Variants in SORCS1 observed in about 807,000 individuals in gnomAD.
SORCS1 encodes the protein sortilin related VPS10 domain containing receptor 1.
Under a neutral mutation model 146.1 loss-of-function variants are expected in SORCS1, and 60 were observed. The observed-to-expected ratio is 0.41, with a 90% CI of 0.33 to 0.51. The LOEUF (loss-of-function observed/expected upper bound fraction) is 0.51. Among genes scored for constraint, SORCS1 ranks in the 20% least tolerant of loss-of-function variants. The pLI is 0.21. For missense variants in SORCS1, 1,352 were observed against 1,487.6 expected, an observed-to-expected ratio of 0.91 and a Z score of 1.50; for synonymous variants, 637 against 584.0, an observed-to-expected ratio of 1.09 and a Z score of -1.31.
At chr10:106,796,224 A>C (rs1193645764) in intron 3 of SORCS1, among the ~76,000 whole-genome samples, 1 of 152,194 alleles carries the variant, frequency 6.6e-6, no homozygotes. Flanking sequence ...AAAGTGAAGA[A>C]TTTCTACATT....
At position 107,070,377 on chromosome 10, in the gene SORCS1, T is replaced by C. The variant is rs181779445; in HGVS notation, c.558+93592A>G. ...CCATGCTTAACTTTTTGAGTGACTA[T>C]CAAAGTGGTTTTCACAGTAGCTGCA... On this transcript the variant is annotated intron_variant, in intron 1 of 25. Transcript: ENST00000263054. Among the ~76,000 whole-genome samples, 3 of 152,310 alleles carry C rather than the reference T, an allele frequency of 2.0e-5. No homozygotes were observed. The East Asian group carries it at 5.8e-4, about 29-fold the overall frequency.
intron 3 of SORCS1, among the ~76,000 whole-genome samples, chr10:106,801,822 G>A (rs931311312): frequency 2.6e-5 from 4 of 152,132 alleles, no homozygotes; most frequent in African/African-American, 9.7e-5. Flanking sequence ...GAGCCACCGT[G>A]CCCAGCTAGT....
intron 1 of SORCS1, among the ~76,000 whole-genome samples, chr10:107,146,463 C>T (rs1968333722): frequency 6.6e-6 from 1 of 152,146 alleles, no homozygotes; most frequent in South Asian, 2.1e-4. Flanking sequence ...ATCATAACGT[C>T]TCAAAGACTA....
At chr10:107,121,673 T>C (rs941625824) in intron 1 of SORCS1, among the ~76,000 whole-genome samples, 1 of 151,882 alleles carries the variant, frequency 6.6e-6, no homozygotes, top group Non-Finnish European at 1.5e-5. Flanking sequence ...CCAGGGAATA[T>C]CATTTAGAGA....
intron 3 of SORCS1, among the ~76,000 whole-genome samples, chr10:106,788,217 A>T (rs1241872666): frequency 6.6e-6 from 1 of 152,164 alleles, no homozygotes; most frequent in East Asian, 1.9e-4. Context: ...TCTCTCCTTC[A>T]ACACCCAGGA....
intron 1 of SORCS1, among the ~76,000 whole-genome samples, chr10:107,110,548 C>A (rs903353666): frequency 4.6e-5 from 7 of 151,984 alleles, no homozygotes; most frequent in African/African-American, 1.7e-4. Flanking sequence ...CTCATGAGAA[C>A]TCACTCATTA....
chr10:106,792,129 A>G (rs1208645086), intron 3 of SORCS1, among the ~76,000 whole-genome samples: 1 of 152,232 alleles, frequency 6.6e-6, no homozygotes, highest in Non-Finnish European at 1.5e-5. Flanking sequence ...GAAAAAGACA[A>G]CACAGTAGCA....
intron 2 of SORCS1, among the ~76,000 whole-genome samples, chr10:106,939,217 G>A (rs530821673): frequency 1.3e-5 from 2 of 152,352 alleles, no homozygotes; most frequent in Admixed American, 6.5e-5. Flanking sequence ...CCCCAGCAAA[G>A]AGAATGTATT....
intron 1 of SORCS1, among the ~76,000 whole-genome samples, chr10:107,072,816 C>T (rs996005622): frequency 6.6e-6 from 1 of 151,206 alleles, no homozygotes; most frequent in African/African-American, 2.4e-5. Flanking sequence ...AAACTAAACG[C>T]ATATCTGACC....
intron 1 of SORCS1, among the ~76,000 whole-genome samples, chr10:107,020,549 AT>A (rs1323282223): frequency 5.3e-5 from 8 of 152,362 alleles, no homozygotes; most frequent in African/African-American, 1.7e-4. Flanking sequence ...AACATAATCT[AT>A]TAACAGTGAT....
chr10:106,758,289 T>C (rs1445146416), intron 5 of SORCS1, among the ~76,000 whole-genome samples: 6 of 152,200 alleles, frequency 3.9e-5, no homozygotes, highest in East Asian at 1.9e-4. Flanking sequence ...TCTGGTGACA[T>C]AGAAAACACT....
At chr10:106,700,040 A>G (rs2135747863) in intron 8 of SORCS1, among the ~76,000 whole-genome samples, 1 of 152,314 alleles carries the variant, frequency 6.6e-6, no homozygotes, top group East Asian at 1.9e-4. Flanking sequence ...CCAAAGTACT[A>G]ACCCTCATGT....
chr10:106,685,069 C>T (rs934352302), intron 10 of SORCS1, among the ~76,000 whole-genome samples: 4 of 152,240 alleles, frequency 2.6e-5, no homozygotes, highest in Non-Finnish European at 4.4e-5. Flanking sequence ...CCCAATAATC[C>T]CTCTTTCTTC....
chr10:106,783,966 C>T (rs1340261691), intron 3 of SORCS1, among the ~76,000 whole-genome samples: 1 of 152,050 alleles, frequency 6.6e-6, no homozygotes, highest in Non-Finnish European at 1.5e-5. Flanking sequence ...ATAAGTGCAT[C>T]CCATGCTTAA....
intron 2 of SORCS1, among the ~76,000 whole-genome samples, chr10:106,912,256 T>G (rs1952203243): frequency 6.6e-6 from 1 of 152,208 alleles, no homozygotes; most frequent in African/African-American, 2.4e-5. Flanking sequence ...ATCCAATTAT[T>G]GTGCTTAGTT....
At chr10:106,597,568 T>C in intron 23 of SORCS1, 118 bp from the exon 24 acceptor site, 2 of 708,180 alleles carry the variant, frequency 2.8e-6, no homozygotes, top group Non-Finnish European at 4.8e-6. Flanking sequence ...GTGAGTTATA[T>C]AAATAAGGTT....
chr10:107,093,406 G>A (rs1248239055), intron 1 of SORCS1, among the ~76,000 whole-genome samples: 9 of 152,162 alleles, frequency 5.9e-5, no homozygotes. Flanking sequence ...CAGGCGTGGT[G>A]GCTCACGCCT....
chr10:107,021,498 A>AG (rs1253480528), intron 1 of SORCS1, among the ~76,000 whole-genome samples: 1 of 116,640 alleles, frequency 8.6e-6, no homozygotes, highest in Non-Finnish European at 1.6e-5. Context: ...TAGGCAACAG[A>AG]GCGACACTCC....
rs35691571 is a variant in SORCS1, at chr10:106,751,058, C to CAAAAAAA, written c.959+10523_959+10529dup. Among the ~76,000 whole-genome samples, 12 of 22,444 alleles carry CAAAAAAA rather than the reference C, an allele frequency of 5.3e-4. 2 individuals are homozygous for CAAAAAAA. Among genetic ancestry groups the CAAAAAAA allele is most frequent in the African/African-American group, 1.5e-3 (12 of 7,878 alleles). The allele number at this position is 22,444 out of a possible 152,430, so 14.7% of individuals were successfully genotyped here. On this transcript the variant is annotated intron_variant, in intron 5 of 25. Coordinates refer to ENST00000263054, the MANE Select transcript of SORCS1 (RefSeq NM_052918.5). ...TGGGCGACAGGGTGAGACTCCGTCT[C>CAAAAAAA]AAAAAAAAAAAAAAAAAAAAAAAAA...
Sources: allele counts gnomAD v4.1 joint callset (sites outside exome capture counted in the v4.1 genomes callset), GRCh38; gene constraint gnomAD v4.1.1; transcripts MANE v1.5; gene names NCBI Gene and HGNC (gene_info 2026-07-23, HGNC 2026-07-21).